Variants in COL7A1 observed in about 807,000 individuals in gnomAD.
The protein encoded by COL7A1 is collagen type VII alpha 1 chain.
A neutral mutation model predicts 456.2 loss-of-function variants in COL7A1; 296 were observed. That is an observed-to-expected ratio of 0.65 (90% CI 0.59 to 0.71). The LOEUF is 0.71. COL7A1 is among the 30% of genes least tolerant of loss of function. The pLI is 0.00. For synonymous variants in COL7A1, 1,464 were observed against 1,525.9 expected, an observed-to-expected ratio of 0.96 and a Z score of 0.95; for missense variants, 3,441 against 4,017.2, an observed-to-expected ratio of 0.86 and a Z score of 3.88.
At position 48,588,794 on chromosome 3, in the gene COL7A1, C is replaced by T; in HGVS notation, c.2441-6G>A. 6.2e-7 allele frequency: 1 copy of T among 1,613,774 alleles called. No individual in the cohort carries two copies. The highest frequency in any genetic ancestry group is 1.1e-5 in the South Asian group (1 of 91,086). Reference sequence around the variant, plus strand: ...CTGGTGCCTCATGGGGCCGCCTGGCCAGGTGGGCATACAGCAATGGTTAGG... The same window carrying T: ...CTGGTGCCTCATGGGGCCGCCTGGCTAGGTGGGCATACAGCAATGGTTAGG... On this transcript the variant is annotated splice_region_variant and splice_polypyrimidine_tract_variant and intron_variant, in intron 19 of 118. Transcript: ENST00000681320. The surrounding 1 kb of genome is among the most constrained non-coding windows in gnomAD (Gnocchi z 4.6).
rs780659125 is a variant in COL7A1 at position 48,584,949 on chromosome 3, C to A, written c.3976-4G>T. 20 of 1,613,898 alleles carry A rather than the reference C, an allele frequency of 1.2e-5. No homozygotes were observed. Among genetic ancestry groups the A allele is most frequent in the Non-Finnish European group, 1.7e-5 (20 of 1,179,994 alleles). Reference sequence around the variant, plus strand: ...GGCCAGGCAACCCTGGAGAGCCCTGCAAATGGAGGCCAGAGGCAGAACAGT... The same window carrying A: ...GGCCAGGCAACCCTGGAGAGCCCTGAAAATGGAGGCCAGAGGCAGAACAGT... On this transcript the variant is annotated splice_region_variant and splice_polypyrimidine_tract_variant and intron_variant, in intron 33 of 118. Transcript: ENST00000681320.
Position 48,590,838 on chromosome 3 carries a change from G to T in COL7A1, c.1637-22C>A. ...ACCCCTAAGAGAGAAGTCAGGGTAGGTGGGCAGGGGTCAGAAAGAGACAGG... is the reference window on the plus strand; with the variant it reads ...ACCCCTAAGAGAGAAGTCAGGGTAGTTGGGCAGGGGTCAGAAAGAGACAGG... On this transcript the variant is annotated intron_variant, in intron 13 of 118. Transcript: ENST00000681320. The surrounding 1 kb of genome is among the most constrained non-coding windows in gnomAD (Gnocchi z 4.6). The T allele has an allele frequency of 6.2e-7, 1 of 1,611,150 alleles. No individual in the cohort carries two copies. The highest frequency in any genetic ancestry group is 8.5e-7 in the Non-Finnish European group (1 of 1,179,972).
chr3:48,579,587 C>A lies in COL7A1; in HGVS notation c.5235+1G>T. On this transcript the variant is annotated splice_donor_variant, in intron 59 of 118. Transcript: ENST00000681320. LOFTEE classifies it high-confidence loss of function. This position sits in a 1 kb window ranked among gnomAD's most constrained non-coding sequence, Gnocchi z 4.4. ...CACCCCCGAGGACCAATCACACTCA[C>A]CCTTTCCCCAGGGGCTCCAGGGAGG... 1 of 1,613,934 alleles carries A rather than the reference C, an allele frequency of 6.2e-7. No individual in the cohort carries two copies. Among genetic ancestry groups the A allele is most frequent in the Non-Finnish European group, 8.5e-7 (1 of 1,180,020 alleles).
Position 48,574,966 on chromosome 3 carries a change from C to T in COL7A1, c.6279+98G>A. 6.3e-7 allele frequency: 1 copy of T among 1,575,926 alleles called. No individual in the cohort carries two copies. Among genetic ancestry groups the T allele is most frequent in the Non-Finnish European group, 8.7e-7 (1 of 1,148,160 alleles). ...ACAGAGGGTTATAGGGTCAGAAATT[C>T]CAGGGTTATGGCACACACTACCATA... On this transcript the variant is annotated intron_variant, in intron 76 of 118. Transcript: ENST00000681320. This position sits in a 1 kb window ranked among gnomAD's most constrained non-coding sequence, Gnocchi z 5.0.
Position 48,572,573 on chromosome 3 carries a change from C to A in COL7A1, c.6901-35G>T. ...ATGCTAGTGAGTTTCCTCCTCCTCC[C>A]CCGCCCCCACCCTGCCACCCCCATG... On this transcript the variant is annotated intron_variant, in intron 88 of 118. Transcript: ENST00000681320. This position sits in a 1 kb window ranked among gnomAD's most constrained non-coding sequence, Gnocchi z 4.6. 6.2e-7 allele frequency: 1 copy of A among 1,611,686 alleles called. No homozygotes were observed. The highest frequency in any genetic ancestry group is 2.2e-5 in the East Asian group (1 of 44,734).
Position 48,575,771 on chromosome 3 carries a change from A to C in COL7A1, c.5857-23T>G, listed in dbSNP as rs374728682. The C allele has an allele frequency of 1.2e-6, 2 of 1,614,062 alleles. No individual in the cohort carries two copies. The highest frequency in any genetic ancestry group is 2.7e-5 in the African/African-American group (2 of 75,048). On this transcript the variant is annotated intron_variant, in intron 72 of 118. Transcript: ENST00000681320. This position sits in a 1 kb window ranked among gnomAD's most constrained non-coding sequence, Gnocchi z 6.3. ...TGCCTGAGGGACAGCAAGAGGTCAG[A>C]GGAGCGGGGTGCGTCGCCGCAGCCC...
At chr3:48,584,847 C>A in intron 34 of COL7A1, 63 bp downstream of exon 34, 1 of 1,613,746 alleles carries the variant, frequency 6.2e-7, no homozygotes, top group Admixed American at 1.7e-5. Flanking sequence ...CCACCCCAGG[C>A]TCCCACCCTG....
chr3:48,594,430 G>A lies in COL7A1; in HGVS notation c.204C>T (p.Phe68=), dbSNP rs2045927785. ...RSFLEGLVLP[F]SGAASAQGVR... ...CACCCTGTGCACTGGCTGCTCCAGA[G>A]AAAGGCAGCACCAGCCCTTCGAGAA... is the stretch of plus-strand genomic sequence containing the variant. Residue 68 remains phenylalanine, a synonymous_variant, in exon 3 of 119, where the codon TTC becomes TTT. Transcript: ENST00000681320. This position sits in a 1 kb window ranked among gnomAD's most constrained non-coding sequence, Gnocchi z 5.5. 3.1e-6 allele frequency: 5 copies of A among 1,612,084 alleles called. No homozygotes were observed. In the East Asian group the frequency reaches 6.7e-5, roughly 22 times the overall value.
Position 48,573,925 on chromosome 3 carries a change from G to A in COL7A1, c.6502-35C>T, listed in dbSNP as rs766893369. 2 of 1,611,148 alleles carry A rather than the reference G, an allele frequency of 1.2e-6. No individual in the cohort carries two copies. Among genetic ancestry groups the A allele is most frequent in the Non-Finnish European group, 1.7e-6 (2 of 1,179,326 alleles). On this transcript the variant is annotated intron_variant, in intron 80 of 118. Coordinates refer to ENST00000681320, the MANE Select transcript of COL7A1 (RefSeq NM_000094.4). This position sits in a 1 kb window ranked among gnomAD's most constrained non-coding sequence, Gnocchi z 5.5. The stretch of plus-strand genomic sequence containing the variant: ...GAGGGCACTGATGAGCCTCAATCTG[G>A]GCCTCACTTGGGCCTGTTCCCAACC...
rs2044958058 is a variant in COL7A1, at chr3:48,583,632, CG to C, written c.4342-18del. The C allele has an allele frequency of 6.2e-7, 1 of 1,613,872 alleles. No individual in the cohort carries two copies. Among genetic ancestry groups the C allele is most frequent in the Non-Finnish European group, 8.5e-7 (1 of 1,179,960 alleles). On this transcript the variant is annotated intron_variant, in intron 40 of 118. Transcript: ENST00000681320. The surrounding 1 kb of genome is among the most constrained non-coding windows in gnomAD (Gnocchi z 5.1). ...AGAGTCACCCTGAAGGAGAAACACA[CG>C]GGTGGGAAGACCGAAGGGAGGCCCT...
rs768604395 is a variant in COL7A1 at position 48,592,511 on chromosome 3, AG to A, written c.977-45del. The stretch of plus-strand genomic sequence containing the variant: ...AGGGATTCATGGAGTCAGAAGTGGG[AG>A]GGGGTACTGGGGTCGGGGGTTAGGT... On this transcript the variant is annotated intron_variant, in intron 8 of 118. Coordinates refer to ENST00000681320, the MANE Select transcript of COL7A1 (RefSeq NM_000094.4). This position sits in a 1 kb window ranked among gnomAD's most constrained non-coding sequence, Gnocchi z 7.6. 4 of 1,592,226 alleles carry A rather than the reference AG, an allele frequency of 2.5e-6. No homozygotes were observed. In the South Asian group the frequency reaches 4.4e-5, roughly 18 times the overall value.
chr3:48,565,290 G>A lies in COL7A1; in HGVS notation c.8528-89C>T. On this transcript the variant is annotated intron_variant, in intron 116 of 118. Coordinates refer to ENST00000681320, the MANE Select transcript of COL7A1 (RefSeq NM_000094.4). The surrounding 1 kb of genome is among the most constrained non-coding windows in gnomAD (Gnocchi z 4.5). Reference sequence around the variant, plus strand: ...CTGATTTCCACTGTGTGCACACAGTGCCCATGCGTGTGCCCTGCATGCAGA... The same window carrying A: ...CTGATTTCCACTGTGTGCACACAGTACCCATGCGTGTGCCCTGCATGCAGA... The A allele has an allele frequency of 6.8e-7, 1 of 1,480,900 alleles. No individual in the cohort carries two copies. The highest frequency in any genetic ancestry group is 9.3e-7 in the Non-Finnish European group (1 of 1,074,812). 91.7% of individuals were successfully genotyped at this position (1,480,900 alleles called of 1,614,324 possible). A position where few individuals can be genotyped will look rare whatever the true frequency, so the allele number is the denominator to read the frequency against.
chr3:48,590,488 C>T lies in COL7A1; in HGVS notation c.1877G>A (p.Gly626Glu). The change falls in exon 15 of 119, where the codon GGA becomes GAA. Residue 626 changes from glycine to glutamate, a missense_variant. Physicochemically the swap from Gly to Glu is moderately conservative, Grantham distance 98 (BLOSUM62 -2). This residue lies in a region of COL7A1 where 913 missense variants were observed against 1,088.2 expected (regional missense o/e 0.84). Coordinates refer to ENST00000681320, the MANE Select transcript of COL7A1 (RefSeq NM_000094.4). The surrounding 1 kb of genome is among the most constrained non-coding windows in gnomAD (Gnocchi z 4.6). Reference protein sequence around the residue: ...VAWGPVPGASGFRISWSTGSG... With the variant: ...VAWGPVPGASEFRISWSTGSG... ...GCCTGTGCTCCAGCTAATCCGAAAT[C>T]CACTGGCTCCAGGGACGGGTCCCCA... 1 of 1,614,180 alleles carries T rather than the reference C, an allele frequency of 6.2e-7. No individual in the cohort carries two copies. Among genetic ancestry groups the T allele is most frequent in the South Asian group, 1.1e-5 (1 of 91,090 alleles).
In COL7A1 at chr3:48,590,202, C is replaced by G; in HGVS notation, c.2050+11G>C. On this transcript the variant is annotated intron_variant, in intron 16 of 118. Coordinates refer to ENST00000681320, the MANE Select transcript of COL7A1 (RefSeq NM_000094.4). This position sits in a 1 kb window ranked among gnomAD's most constrained non-coding sequence, Gnocchi z 4.6. The stretch of plus-strand genomic sequence containing the variant: ...GAGGCAGAGAGCCAAGGGACGGGGG[C>G]AGGGCCTGACCCGTTCGAGCCACGA... 6.2e-7 allele frequency: 1 copy of G among 1,611,392 alleles called. No individual in the cohort carries two copies. Among genetic ancestry groups the G allele is most frequent in the Non-Finnish European group, 8.5e-7 (1 of 1,178,718 alleles).
chr3:48,582,480 T>C lies in COL7A1; in HGVS notation c.4597A>G (p.Lys1533Glu). The change falls in exon 46 of 119, where the codon AAG (lysine) becomes GAG (glutamate). Residue 1533 changes from lysine (K) to glutamate (E), a missense_variant and splice_region_variant. Transcript: ENST00000681320. Reference sequence around the variant, plus strand: ...GCCACCCCCAGCCGAGGACCCACCTTCTCTCCTTGGCGGCCAGTGGGTCCT... The same window carrying C: ...GCCACCCCCAGCCGAGGACCCACCTCCTCTCCTTGGCGGCCAGTGGGTCCT... ...PPGPTGRQGE[K>E]GEPGRPGDPA... 1 of 1,614,004 alleles carries C rather than the reference T, an allele frequency of 6.2e-7. No individual in the cohort carries two copies. The highest frequency in any genetic ancestry group is 8.5e-7 in the Non-Finnish European group (1 of 1,180,008).
chr3:48,580,447 CGTGTGTGCAGGG>C lies in COL7A1; in HGVS notation c.5053-115_5053-104del. On this transcript the variant is annotated intron_variant, in intron 55 of 118. Coordinates refer to ENST00000681320, the MANE Select transcript of COL7A1 (RefSeq NM_000094.4). This position sits in a 1 kb window ranked among gnomAD's most constrained non-coding sequence, Gnocchi z 4.5. ...TGGGAATGTTGGTAGCCTTCAGATG[CGTGTGTGCAGGG>C]GTCAAAGGAAGTGAAGATTGGGAGG... 1.3e-6 allele frequency: 2 copies of C among 1,484,372 alleles called. No individual in the cohort carries two copies. Among genetic ancestry groups the C allele is most frequent in the Non-Finnish European group, 1.9e-6 (2 of 1,077,102 alleles). 92.0% of individuals were successfully genotyped at this position (1,484,372 alleles called of 1,614,324 possible).
Position 48,572,325 on chromosome 3 carries a change from G to A in COL7A1, c.6978+55C>T. 1 of 1,613,708 alleles carries A rather than the reference G, an allele frequency of 6.2e-7. No individual in the cohort carries two copies. Among genetic ancestry groups the A allele is most frequent in the Non-Finnish European group, 8.5e-7 (1 of 1,179,668 alleles). On this transcript the variant is annotated intron_variant, in intron 90 of 118. Coordinates refer to ENST00000681320, the MANE Select transcript of COL7A1 (RefSeq NM_000094.4). The surrounding 1 kb of genome is among the most constrained non-coding windows in gnomAD (Gnocchi z 4.6). ...CTATGGGTCGAAGGTCAGAAGTTAG[G>A]CCACTGGAGAGACAGGACCCCCAGA...
chr3:48,568,730 G>A lies in COL7A1; in HGVS notation c.7758+54C>T, dbSNP rs2043733611. 6.5e-7 allele frequency: 1 copy of A among 1,532,804 alleles called. No homozygotes were observed. Among genetic ancestry groups the A allele is most frequent in the East Asian group, 2.4e-5 (1 of 40,998 alleles). 95.0% of individuals were successfully genotyped at this position (1,532,804 alleles called of 1,614,324 possible). A position where few individuals can be genotyped will look rare whatever the true frequency, so the allele number is the denominator to read the frequency against. On this transcript the variant is annotated intron_variant, in intron 104 of 118. Coordinates refer to ENST00000681320, the MANE Select transcript of COL7A1 (RefSeq NM_000094.4). This position sits in a 1 kb window ranked among gnomAD's most constrained non-coding sequence, Gnocchi z 5.2. ...AAGAGGACCCCCAGGATATGTGTGT[G>A]TGTGATGCTGGCTCTGGACCTGGGC...
rs1206306333 is a variant in COL7A1, at chr3:48,568,551, T to C, written c.7759-17A>G. ...AGGTTGACCCTGTGAGAAACACAGA[T>C]GGGGGAGCCCTTCAGTGGGACTGTC... On this transcript the variant is annotated splice_polypyrimidine_tract_variant and intron_variant, in intron 104 of 118. Transcript: ENST00000681320. This position sits in a 1 kb window ranked among gnomAD's most constrained non-coding sequence, Gnocchi z 5.2. The C allele has an allele frequency of 6.2e-7, 1 of 1,606,320 alleles. No individual in the cohort carries two copies. Among genetic ancestry groups the C allele is most frequent in the Non-Finnish European group, 8.5e-7 (1 of 1,174,640 alleles).
Sources: gnomAD v4.1 joint callset for allele counts on GRCh38, gnomAD v4.1.1 for gene constraint, gnomAD v4.1.1 regional missense constraint, Gnocchi (gnomAD v3.1) non-coding constraint, MANE v1.5 for transcripts, NCBI Gene and HGNC (gene_info 2026-07-23, HGNC 2026-07-21) for gene names.